Variants in RBFOX1 observed in about 807,000 individuals in gnomAD.
RBFOX1 encodes the protein RNA binding fox-1 homolog 1, also known as RNA binding protein fox-1 homolog 1.
A neutral mutation model predicts 57.7 loss-of-function variants in RBFOX1; 8 were observed. The ratio of observed to expected loss-of-function variants is 0.14; its 90% CI spans 0.08 to 0.25. The LOEUF is 0.25. Among genes scored for constraint, RBFOX1 ranks in the 10% least tolerant of loss-of-function variants. The probability of loss-of-function intolerance (pLI) is 1.00; values close to 1 mark genes in which losing one functional copy is unlikely to be tolerated. For synonymous variants in RBFOX1, 326 were observed against 222.4 expected (o/e 1.47, Z -4.15); for missense variants, 611 against 548.5 (o/e 1.11, Z -1.14).
At chr16:5,613,926 T>A (rs1419033504) in intron 3 of RBFOX1, among the ~76,000 whole-genome samples, 2 of 66,296 alleles carry the variant, frequency 3.0e-5, no homozygotes, top group African/African-American at 4.5e-4. Context: ...TCCTTGGACT[T>A]TTTTTTTTTT....
chr16:6,149,917 A>C (rs2096785891), intron 1 of RBFOX1, among the ~76,000 whole-genome samples: 1 of 152,242 alleles, frequency 6.6e-6, no homozygotes, highest in Non-Finnish European at 1.5e-5. Flanking sequence ...ACTGAACAAA[A>C]GGCTTATTGA....
chr16:7,553,929 G>T (rs544328085), intron 5 of RBFOX1, among the ~76,000 whole-genome samples: 2 of 152,186 alleles, frequency 1.3e-5, no homozygotes, highest in African/African-American at 4.8e-5. Flanking sequence ...GTGTATGTCA[G>T]GCTCTATACA....
intron 3 of RBFOX1, among the ~76,000 whole-genome samples, chr16:7,037,313 C>G (rs2044795657): frequency 7.5e-6 from 1 of 134,182 alleles, no homozygotes; most frequent in South Asian, 2.5e-4. Context: ...ACAATCTTGG[C>G]TCACCATAAC....
At chr16:7,404,307 C>T (rs2098297796) in intron 4 of RBFOX1, among the ~76,000 whole-genome samples, 2 of 152,254 alleles carry the variant, frequency 1.3e-5, no homozygotes, top group Admixed American at 6.5e-5. Context: ...CCTGCCTCAG[C>T]CTCCCAAAGT....
chr16:7,259,458 A>C (rs2094830521), intron 4 of RBFOX1, among the ~76,000 whole-genome samples: 1 of 152,124 alleles, frequency 6.6e-6, no homozygotes, highest in Admixed American at 6.5e-5. Context: ...CATTGCATAA[A>C]ATATTGCAGC....
intron 2 of RBFOX1, among the ~76,000 whole-genome samples, chr16:5,515,498 C>G (rs575991621): frequency 3.3e-5 from 5 of 152,150 alleles, no homozygotes; most frequent in Admixed American, 6.5e-5. Flanking sequence ...AAATGGTTCC[C>G]CAGGCACTAA....
At chr16:6,727,405 A>T (rs909848923) in intron 3 of RBFOX1, among the ~76,000 whole-genome samples, 1 of 151,998 alleles carries the variant, frequency 6.6e-6, no homozygotes. Context: ...TCATTTTACA[A>T]TTGTTCCTGG....
At chr16:5,270,832 G>T in intron 1 of RBFOX1, 6 of 431,438 alleles carry the variant, frequency 1.4e-5, no homozygotes, top group Non-Finnish European at 2.2e-5. Context: ...GAGAACCCTT[G>T]GTTTGAAAGG....
At chr16:6,612,498 G>C (rs971669952) in intron 2 of RBFOX1, among the ~76,000 whole-genome samples, 2 of 152,176 alleles carry the variant, frequency 1.3e-5, no homozygotes, top group Admixed American at 1.3e-4. Context: ...TTACAAGGCA[G>C]TTGGAATTGG....
At chr16:7,379,694 G>C (rs1037752018) in intron 4 of RBFOX1, among the ~76,000 whole-genome samples, 6 of 151,930 alleles carry the variant, frequency 3.9e-5, no homozygotes, top group East Asian at 1.9e-4. Context: ...TATTTCTTAA[G>C]CTGGGTAGTA....
At chr16:6,586,557 T>C (rs911794641) in intron 2 of RBFOX1, among the ~76,000 whole-genome samples, 1 of 152,172 alleles carries the variant, frequency 6.6e-6, no homozygotes, top group East Asian at 1.9e-4. Flanking sequence ...TATAGCTGGT[T>C]TGGGGCAAAG....
At chr16:7,631,298 C>A (rs1273670689) in intron 11 of RBFOX1, among the ~76,000 whole-genome samples, 1 of 152,044 alleles carries the variant, frequency 6.6e-6, no homozygotes, top group South Asian at 2.1e-4. Flanking sequence ...ATAAGTATAC[C>A]CATCCAGTGC....
chr16:7,570,832 A>C (rs908134313), intron 5 of RBFOX1, among the ~76,000 whole-genome samples: 2 of 152,244 alleles, frequency 1.3e-5, no homozygotes, highest in African/African-American at 2.4e-5. Context: ...ACATGGAATC[A>C]ACTCAAATGC....
At chr16:6,128,445 G>A (rs976131885) in intron 1 of RBFOX1, among the ~76,000 whole-genome samples, 1 of 152,200 alleles carries the variant, frequency 6.6e-6, no homozygotes, top group African/African-American at 2.4e-5. Context: ...TCAAAAGGCA[G>A]CTCTGTGATC....
intron 3 of RBFOX1, among the ~76,000 whole-genome samples, chr16:5,708,531 G>A (rs12933690): frequency 0.22 from 33,919 of 152,086 alleles, 4,727 homozygotes; most frequent in East Asian, 0.63. Context: ...GATTTTTTGC[G>A]TATGTCATTT....
intron 5 of RBFOX1, among the ~76,000 whole-genome samples, chr16:7,577,185 G>A (rs1241552397): frequency 6.6e-6 from 1 of 152,204 alleles, no homozygotes; most frequent in East Asian, 1.9e-4. Flanking sequence ...CTGTTAAACA[G>A]ACATTTATCA....
At chr16:7,011,479 GTGTT>G (rs929715489) in intron 3 of RBFOX1, among the ~76,000 whole-genome samples, 70 of 151,982 alleles carry the variant, frequency 4.6e-4, no homozygotes, top group Non-Finnish European at 5.9e-4. Context: ...TTTGTTGTGT[GTGTT>G]TGTTTGTTTT....
At chr16:7,383,784 A>C (rs1255669664) in intron 4 of RBFOX1, among the ~76,000 whole-genome samples, 3 of 152,128 alleles carry the variant, frequency 2.0e-5, no homozygotes, top group Non-Finnish European at 4.4e-5. Context: ...TGGCCTGGCG[A>C]GGTGGCTCAA....
At chr16:5,894,959 C>A (rs1406676613) in intron 4 of RBFOX1, among the ~76,000 whole-genome samples, 1 of 152,066 alleles carries the variant, frequency 6.6e-6, no homozygotes, top group East Asian at 1.9e-4. Flanking sequence ...GGAGGCAGAG[C>A]TTGCAGTAGG....
Sources: allele counts gnomAD v4.1 joint callset (sites outside exome capture counted in the v4.1 genomes callset), GRCh38; gene constraint gnomAD v4.1.1; transcripts MANE v1.5; gene names NCBI Gene and HGNC (gene_info 2026-07-23, HGNC 2026-07-21).